CTNNA3: variants seen among roughly 807,000 people sequenced by gnomAD.
The protein encoded by CTNNA3 is catenin alpha 3.
A neutral mutation model predicts 95.7 loss-of-function variants in CTNNA3; 76 were observed. The observed-to-expected ratio is 0.79, with a 90% CI of 0.66 to 0.96. CTNNA3 has a LOEUF of 0.96. Ranked by LOEUF, CTNNA3 falls within the 40% of genes least tolerant of loss-of-function variation. The probability of loss-of-function intolerance (pLI) is 0.00; values close to 1 mark genes in which losing one functional copy is unlikely to be tolerated. For synonymous variants in CTNNA3, 431 were observed against 374.4 expected, an observed-to-expected ratio of 1.15 and a Z score of -1.74; for missense variants, 1,191 against 1,089.8, an observed-to-expected ratio of 1.09 and a Z score of -1.31.
At chr10:66,396,188 T>C (rs968764908) in intron 11 of CTNNA3, among the ~76,000 whole-genome samples, 1 of 152,048 alleles carries the variant, frequency 6.6e-6, no homozygotes, top group Non-Finnish European at 1.5e-5. Flanking sequence ...AATAATAGAA[T>C]ACAAAGATAT....
intron 10 of CTNNA3, among the ~76,000 whole-genome samples, chr10:66,618,546 T>G (rs1358658742): frequency 6.6e-6 from 1 of 152,118 alleles, no homozygotes; most frequent in East Asian, 1.9e-4. Context: ...TTACACCTTC[T>G]ACAAAAATTA....
intron 10 of CTNNA3, among the ~76,000 whole-genome samples, chr10:66,582,358 C>T (rs1366650810): frequency 1.3e-5 from 2 of 151,862 alleles, no homozygotes; most frequent in African/African-American, 2.4e-5. Context: ...TACTACACCT[C>T]CTTGGTTAAG....
chr10:66,122,240 G>T (rs1477172096), intron 13 of CTNNA3, among the ~76,000 whole-genome samples: 1 of 152,096 alleles, frequency 6.6e-6, no homozygotes, highest in Non-Finnish European at 1.5e-5. Flanking sequence ...CAGTAGACTA[G>T]ACACAGCTGA....
At chr10:67,425,479 T>C (rs1185226086) in intron 5 of CTNNA3, among the ~76,000 whole-genome samples, 12 of 152,116 alleles carry the variant, frequency 7.9e-5, no homozygotes, top group Non-Finnish European at 1.6e-4. Flanking sequence ...TAGTACATTC[T>C]TGGTTCTGCA....
At chr10:67,241,280 G>T (rs561912575) in intron 5 of CTNNA3, among the ~76,000 whole-genome samples, 1 of 152,126 alleles carries the variant, frequency 6.6e-6, no homozygotes, top group African/African-American at 2.4e-5. Context: ...AAAATTAGTT[G>T]GGCATGGTGG....
chr10:67,205,879 T>C (rs1018316994), intron 6 of CTNNA3, among the ~76,000 whole-genome samples: 6 of 152,318 alleles, frequency 3.9e-5, no homozygotes, highest in African/African-American at 1.4e-4. Context: ...TTGAAACGTA[T>C]GTAAATCTTC....
intron 9 of CTNNA3, among the ~76,000 whole-genome samples, chr10:66,650,174 G>C (rs369248814): frequency 1.3e-5 from 2 of 152,262 alleles, no homozygotes; most frequent in East Asian, 3.9e-4. Flanking sequence ...AACACACACA[G>C]AACATTCTTC....
intron 5 of CTNNA3, among the ~76,000 whole-genome samples, chr10:67,511,200 T>C (rs894351192): frequency 6.6e-6 from 1 of 152,220 alleles, no homozygotes; most frequent in Non-Finnish European, 1.5e-5. Context: ...TCTTGCCTGA[T>C]TGCCCTGGCC....
chr10:67,257,087 G>C lies in CTNNA3; in HGVS notation c.580-37217C>G, dbSNP rs368924928. Reference sequence around the variant, plus strand: ...AACATGTTTATAATTTTAGAATTCTGATAGCAGATAATCATTTTATAACTA... The same window carrying C: ...AACATGTTTATAATTTTAGAATTCTCATAGCAGATAATCATTTTATAACTA... On this transcript the variant is annotated intron_variant, in intron 5 of 17. Transcript: ENST00000433211. Among the ~76,000 whole-genome samples, 13 of 152,250 alleles carry C rather than the reference G, an allele frequency of 8.5e-5. 1 individual carries two copies. The South Asian group carries it at 2.5e-3, about 29-fold the overall frequency.
At chr10:67,358,528 C>T (rs1042866700) in intron 5 of CTNNA3, among the ~76,000 whole-genome samples, 1 of 152,064 alleles carries the variant, frequency 6.6e-6, no homozygotes, top group Non-Finnish European at 1.5e-5. Context: ...CCCTGAGTGC[C>T]AGAACAAGCT....
chr10:66,818,769 T>C (rs1431141753), intron 7 of CTNNA3, among the ~76,000 whole-genome samples: 3 of 151,810 alleles, frequency 2.0e-5, no homozygotes, highest in East Asian at 1.9e-4. Context: ...ATAATATTCA[T>C]ATGGAAAAGC....
intron 11 of CTNNA3, among the ~76,000 whole-genome samples, chr10:66,494,154 C>G (rs192804901): frequency 2.0e-5 from 3 of 151,910 alleles, no homozygotes; most frequent in African/African-American, 7.3e-5. Flanking sequence ...GTGATCCACC[C>G]GCCTCGACCT....
intron 5 of CTNNA3, among the ~76,000 whole-genome samples, chr10:67,238,621 A>T (rs1865595645): frequency 6.6e-6 from 1 of 152,174 alleles, no homozygotes; most frequent in African/African-American, 2.4e-5. Context: ...GCTTAAAAAT[A>T]TGAGGTCTGT....
intron 13 of CTNNA3, among the ~76,000 whole-genome samples, chr10:66,200,317 G>T (rs2087316760): frequency 6.6e-6 from 1 of 151,908 alleles, no homozygotes; most frequent in Non-Finnish European, 1.5e-5. Flanking sequence ...GTGAGAAATG[G>T]CAGAAAGGCA....
At chr10:67,465,822 A>C (rs1847569213) in intron 5 of CTNNA3, among the ~76,000 whole-genome samples, 1 of 152,180 alleles carries the variant, frequency 6.6e-6, no homozygotes, top group Non-Finnish European at 1.5e-5. Context: ...TAACCACATG[A>C]AAATCAAGCA....
At chr10:66,829,844 C>T (rs1470022018) in intron 7 of CTNNA3, among the ~76,000 whole-genome samples, 1 of 72,416 alleles carries the variant, frequency 1.4e-5, no homozygotes, top group Non-Finnish European at 3.2e-5. Context: ...TTAACAAGCT[C>T]CCCAGGGGAT....
At chr10:67,231,818 G>C (rs567302974) in intron 5 of CTNNA3, among the ~76,000 whole-genome samples, 1 of 152,322 alleles carries the variant, frequency 6.6e-6, no homozygotes, top group Admixed American at 6.5e-5. Flanking sequence ...GTGCTTAAAG[G>C]AGTTGATGGA....
chr10:67,273,858 G>A (rs1589114845), intron 5 of CTNNA3, among the ~76,000 whole-genome samples: 1 of 152,164 alleles, frequency 6.6e-6, no homozygotes, highest in South Asian at 2.1e-4. Context: ...AATGAGAACA[G>A]GCAAAACTAA....
intron 5 of CTNNA3, chr10:67,346,794 A>G (rs946115851): frequency 1.2e-5 from 5 of 428,370 alleles, no homozygotes; most frequent in Admixed American, 7.5e-5. Context: ...GAGTGTCAAG[A>G]TCATTCCCTC....
Sources: gnomAD v4.1 joint callset for allele counts (sites outside exome capture counted in the v4.1 genomes callset) on GRCh38, gnomAD v4.1.1 for gene constraint, MANE v1.5 for transcripts, NCBI Gene and HGNC (gene_info 2026-07-23, HGNC 2026-07-21) for gene names.